The following GPR160 variants were observed in gnomAD, a reference collection of about 807,000 sequenced individuals.
GPR160 encodes probable G protein-coupled receptor 160.
In GPR160, 2 loss-of-function variants were observed where a neutral mutation model predicts 2.6. The ratio of observed to expected loss-of-function variants is 0.77; its 90% CI spans 0.32 to 2.44. GPR160 has a LOEUF of 2.44. Among genes scored for constraint, GPR160 ranks in the 30% most tolerant of loss-of-function variants. The pLI is 0.11. For missense variants in GPR160, 351 were observed against 383.6 expected, an observed-to-expected ratio of 0.91 and a Z score of 0.71; for synonymous variants, 130 against 132.2, an observed-to-expected ratio of 0.98 and a Z score of 0.12.
chr3:170,080,989 C>T (rs560489927), intron 3 of GPR160, among the ~76,000 whole-genome samples: 6 of 152,312 alleles, frequency 3.9e-5, no homozygotes, highest in East Asian at 1.9e-4. Context: ...GCATGAGCCA[C>T]GGCCCCCAGC....
chr3:170,071,295 C>G (rs1559990363), intron 2 of GPR160, among the ~76,000 whole-genome samples: 1 of 152,162 alleles, frequency 6.6e-6, no homozygotes, highest in Non-Finnish European at 1.5e-5. Flanking sequence ...TAAGTGAGCT[C>G]TCCCTATGAG....
chr3:170,076,666 C>T (rs1366281019), intron 2 of GPR160, among the ~76,000 whole-genome samples: 1 of 152,032 alleles, frequency 6.6e-6, no homozygotes, highest in African/African-American at 2.4e-5. Flanking sequence ...GCTGCAGCCT[C>T]CTGAGTAGCT....
chr3:170,062,621 C>G (rs1712024953), intron 2 of GPR160: 1 of 1,359,338 alleles, frequency 7.4e-7, no homozygotes, highest in Non-Finnish European at 1.0e-6. Context: ...TCCAAAACCT[C>G]CGGCCTCGTC....
intron 3 of GPR160, among the ~76,000 whole-genome samples, chr3:170,081,926 A>G (rs1174895265): frequency 6.6e-6 from 1 of 152,212 alleles, no homozygotes; most frequent in Non-Finnish European, 1.5e-5. Flanking sequence ...GCTGCATAGT[A>G]TTCCATGGTA....
chr3:170,078,206 C>T (rs1279563489), intron 2 of GPR160, among the ~76,000 whole-genome samples: 2 of 152,178 alleles, frequency 1.3e-5, no homozygotes, highest in East Asian at 3.9e-4. Flanking sequence ...TCTTAAACGA[C>T]ATCATGCACA....
At chr3:170,052,982 T>C (rs1346824715) in intron 2 of GPR160, among the ~76,000 whole-genome samples, 1 of 152,214 alleles carries the variant, frequency 6.6e-6, no homozygotes, top group Admixed American at 6.5e-5. Context: ...TTTCCTCCAT[T>C]GAATTGCATT....
intron 2 of GPR160, among the ~76,000 whole-genome samples, chr3:170,060,935 C>T (rs964262853): frequency 3.3e-5 from 5 of 151,982 alleles, no homozygotes; most frequent in South Asian, 2.1e-4. Context: ...TTAGACAAAT[C>T]GAGATTATGT....
chr3:170,059,835 T>TC (rs1559985899), intron 2 of GPR160, among the ~76,000 whole-genome samples: 1 of 151,968 alleles, frequency 6.6e-6, no homozygotes, highest in South Asian at 2.1e-4. Flanking sequence ...ATGCTTTTCT[T>TC]CCCCCCACTC....
intron 2 of GPR160, among the ~76,000 whole-genome samples, chr3:170,039,372 G>T (rs1028870065): frequency 6.6e-6 from 1 of 152,142 alleles, no homozygotes; most frequent in Non-Finnish European, 1.5e-5. Flanking sequence ...GCAATACAAG[G>T]TGTGGACGTT....
At chr3:170,066,273 T>C (rs1261634702) in intron 2 of GPR160, among the ~76,000 whole-genome samples, 1 of 150,910 alleles carries the variant, frequency 6.6e-6, no homozygotes, top group African/African-American at 2.4e-5. Flanking sequence ...CCCGAGTAGC[T>C]GGGACTACAG....
intron 2 of GPR160, among the ~76,000 whole-genome samples, chr3:170,069,628 ATAGT>A (rs1426606031): frequency 6.6e-6 from 1 of 152,134 alleles, no homozygotes; most frequent in Admixed American, 6.5e-5. Context: ...ATACATACAA[ATAGT>A]TAGAACAGCC....
intron 2 of GPR160, among the ~76,000 whole-genome samples, chr3:170,078,507 C>T (rs1019681630): frequency 6.6e-6 from 1 of 152,180 alleles, no homozygotes; most frequent in African/African-American, 2.4e-5. Flanking sequence ...CAATCGGGTA[C>T]ATGAACCCAT....
chr3:170,064,893 A>G (rs953279955), intron 2 of GPR160, among the ~76,000 whole-genome samples: 1 of 152,058 alleles, frequency 6.6e-6, no homozygotes, highest in Non-Finnish European at 1.5e-5. Context: ...GTCCCAGGTA[A>G]ATCTGAATGG....
In GPR160 at chr3:170,061,914, G is replaced by A. The variant is rs1463331638; in HGVS notation, c.-192-17860G>A. 3.9e-5 allele frequency among the ~76,000 whole-genome samples: 6 copies of A among 152,088 alleles called. No individual in the cohort carries two copies. The East Asian group carries it at 7.7e-4, about 20-fold the overall frequency. ...CTGGAATCCCAGCACTTTGGGAGGC[G>A]GAGGTGGGAGCATCGCTTGAGGCCG... is the stretch of plus-strand genomic sequence containing the variant. On this transcript the variant is annotated intron_variant, in intron 2 of 3. Coordinates refer to ENST00000355897, the MANE Select transcript of GPR160 (RefSeq NM_014373.3).
At chr3:170,071,310 C>T (rs936910346) in intron 2 of GPR160, among the ~76,000 whole-genome samples, 12 of 152,140 alleles carry the variant, frequency 7.9e-5, no homozygotes, top group Admixed American at 5.9e-4. Flanking sequence ...TATGAGTTCA[C>T]GCAAGAGCTG....
intron 2 of GPR160, among the ~76,000 whole-genome samples, chr3:170,055,380 C>T (rs1309719779): frequency 2.6e-5 from 4 of 152,116 alleles, no homozygotes; most frequent in South Asian, 2.1e-4. Context: ...GATGAATAAC[C>T]GTGGTTTCAG....
At chr3:170,078,702 G>T (rs1237204674) in intron 2 of GPR160, among the ~76,000 whole-genome samples, 1 of 152,178 alleles carries the variant, frequency 6.6e-6, no homozygotes. Context: ...AGAATTTGAT[G>T]AATTATGTGC....
intron 2 of GPR160, chr3:170,063,180 CTTT>C (rs201450289): frequency 7.3e-5 from 10 of 137,904 alleles, no homozygotes; most frequent in Non-Finnish European, 1.3e-4. Flanking sequence ...GTTTTTGTGC[CTTT>C]TTTTTTTTTT....
chr3:170,064,592 C>G (rs1293160243), intron 2 of GPR160, among the ~76,000 whole-genome samples: 1 of 148,338 alleles, frequency 6.7e-6, no homozygotes, highest in African/African-American at 2.5e-5. Context: ...AATCTCGGCT[C>G]GCTGCAATCT....
Sources: gnomAD v4.1 joint callset for allele counts (sites outside exome capture counted in the v4.1 genomes callset) on GRCh38, gnomAD v4.1.1 for gene constraint, MANE v1.5 for transcripts, NCBI Gene and HGNC (gene_info 2026-07-23, HGNC 2026-07-21) for gene names.